Variants in CTNNA2 observed in about 807,000 individuals in gnomAD.
CTNNA2 encodes catenin alpha-2.
In CTNNA2, 42 loss-of-function variants were observed where a neutral mutation model predicts 101.0. That is an observed-to-expected ratio of 0.42 (90% CI 0.32 to 0.54). The LOEUF (loss-of-function observed/expected upper bound fraction) is 0.54. Ranked by LOEUF, CTNNA2 falls within the 20% of genes least tolerant of loss-of-function variation. The pLI is 0.14. For synonymous variants in CTNNA2, 450 were observed against 456.4 expected (o/e 0.99, Z 0.18); for missense variants, 871 against 1,223.1 (o/e 0.71, Z 4.29).
chr2:79,472,311 AG>A (rs1671008670), intron 4 of CTNNA2, among the ~76,000 whole-genome samples: 1 of 152,228 alleles, frequency 6.6e-6, no homozygotes, highest in Non-Finnish European at 1.5e-5. Flanking sequence ...CTGCACGTGC[AG>A]CCCTGCCAGG....
intron 7 of CTNNA2, among the ~76,000 whole-genome samples, chr2:79,963,320 G>C (rs62139978): frequency 2.0e-5 from 3 of 152,182 alleles, no homozygotes; most frequent in Non-Finnish European, 2.9e-5. Context: ...ACATTCTCAT[G>C]TTATGCCAGG....
At chr2:80,113,957 C>T (rs1347427504) in intron 7 of CTNNA2, among the ~76,000 whole-genome samples, 1 of 152,168 alleles carries the variant, frequency 6.6e-6, no homozygotes, top group Non-Finnish European at 1.5e-5. Context: ...TTTATTCAAT[C>T]TACTTAAAAG....
chr2:80,102,122 T>G (rs140631521), intron 7 of CTNNA2, among the ~76,000 whole-genome samples: 22 of 152,314 alleles, frequency 1.4e-4, no homozygotes, highest in Non-Finnish European at 2.8e-4. Flanking sequence ...CAGTACCTAG[T>G]GCCCGATATA....
At chr2:79,991,878 C>A (rs745845401) in intron 7 of CTNNA2, among the ~76,000 whole-genome samples, 1 of 152,122 alleles carries the variant, frequency 6.6e-6, no homozygotes, top group Non-Finnish European at 1.5e-5. Flanking sequence ...TTTGCCAATT[C>A]TTTGTGTAAT....
intron 4 of CTNNA2, among the ~76,000 whole-genome samples, chr2:79,865,940 C>T (rs773599332): frequency 6.6e-6 from 1 of 152,164 alleles, no homozygotes; most frequent in Non-Finnish European, 1.5e-5. Context: ...AGGATGGTCT[C>T]GAAATCCTGA....
chr2:80,632,447 A>G (rs1672400185), intron 18 of CTNNA2, among the ~76,000 whole-genome samples: 1 of 152,126 alleles, frequency 6.6e-6, no homozygotes, highest in South Asian at 2.1e-4. Flanking sequence ...TTTTGGTTGA[A>G]TTTCTTTGTC....
chr2:79,201,227 A>G (rs1402160619), intron 2 of CTNNA2, among the ~76,000 whole-genome samples: 1 of 152,186 alleles, frequency 6.6e-6, no homozygotes. Flanking sequence ...AAAAACAGAA[A>G]CAAACAAACA....
At chr2:80,426,491 G>A (rs1574012804) in intron 9 of CTNNA2, among the ~76,000 whole-genome samples, 1 of 152,068 alleles carries the variant, frequency 6.6e-6, no homozygotes, top group Admixed American at 6.5e-5. Context: ...ACATTCTATT[G>A]TGCAGGCAAC....
At chr2:80,564,169 C>T (rs1693849548) in intron 12 of CTNNA2, among the ~76,000 whole-genome samples, 1 of 152,118 alleles carries the variant, frequency 6.6e-6, no homozygotes, top group African/African-American at 2.4e-5. Flanking sequence ...AAATTTTTAG[C>T]AAGCACTTTA....
intron 7 of CTNNA2, among the ~76,000 whole-genome samples, chr2:80,117,254 C>T (rs1164851029): frequency 6.6e-6 from 1 of 152,098 alleles, no homozygotes; most frequent in African/African-American, 2.4e-5. Context: ...ATATAACACT[C>T]AGACTGTAGT....
At chr2:79,403,828 G>A (rs902555868) in intron 4 of CTNNA2, among the ~76,000 whole-genome samples, 1 of 151,978 alleles carries the variant, frequency 6.6e-6, no homozygotes, top group African/African-American at 2.4e-5. Context: ...TGATGGGGGT[G>A]TAATTAACAT....
chr2:80,221,559 A>T (rs1708577999), intron 7 of CTNNA2, among the ~76,000 whole-genome samples: 1 of 152,206 alleles, frequency 6.6e-6, no homozygotes, highest in Non-Finnish European at 1.5e-5. Flanking sequence ...ATGCAGACTG[A>T]GTCTAAATCT....
chr2:80,509,577 T>A (rs56897112), intron 9 of CTNNA2, among the ~76,000 whole-genome samples: 5,402 of 152,256 alleles, frequency 0.035, 320 homozygotes, highest in African/African-American at 0.12. Flanking sequence ...TGCCAGCTGT[T>A]TGGCACCTGA....
intron 7 of CTNNA2, among the ~76,000 whole-genome samples, chr2:80,373,005 G>A (rs1018605099): frequency 2.0e-5 from 3 of 152,184 alleles, no homozygotes; most frequent in Non-Finnish European, 2.9e-5. Context: ...CAATAGTGCT[G>A]ACATTTAGAC....
chr2:79,750,999 A>G (rs1226176464), intron 3 of CTNNA2, among the ~76,000 whole-genome samples: 1 of 152,196 alleles, frequency 6.6e-6, no homozygotes, highest in African/African-American at 2.4e-5. Context: ...CTGCAGGTAC[A>G]CAGGAATATG....
At position 79,459,837 on chromosome 2, in the gene CTNNA2, T is replaced by C. The variant is rs147341166; in HGVS notation, c.-134-45217T>C. Among the ~76,000 whole-genome samples the C allele has an allele frequency of 1.3e-3, 204 of 151,954 alleles. 1 individual carries two copies. Among genetic ancestry groups the C allele is most frequent in the African/African-American group, 4.8e-3 (196 of 41,250 alleles). On this transcript the variant is annotated intron_variant, in intron 4 of 21. Transcript: ENST00000466387. ...CTCCTTCTTGGTTCTTTGCAAATAATTTTTTTTCTGTTCATTCAACTCTTA... is the reference window on the plus strand; with the variant it reads ...CTCCTTCTTGGTTCTTTGCAAATAACTTTTTTTCTGTTCATTCAACTCTTA...
intron 3 of CTNNA2, among the ~76,000 whole-genome samples, chr2:79,347,000 C>T (rs986495341): frequency 4.6e-5 from 7 of 152,312 alleles, no homozygotes; most frequent in African/African-American, 1.7e-4. Flanking sequence ...ACCATGTTCA[C>T]TGTTTGGATG....
intron 4 of CTNNA2, among the ~76,000 whole-genome samples, chr2:79,388,267 G>A (rs993621650): frequency 6.6e-6 from 1 of 152,174 alleles, no homozygotes; most frequent in Non-Finnish European, 1.5e-5. Flanking sequence ...GAGGCTGATG[G>A]AGTAGGTCAC....
chr2:80,253,933 G>A (rs1671949908), intron 7 of CTNNA2, among the ~76,000 whole-genome samples: 1 of 152,142 alleles, frequency 6.6e-6, no homozygotes, highest in South Asian at 2.1e-4. Context: ...TGGGAAGGTA[G>A]AGCATATAAA....
Sources: gnomAD v4.1 joint callset for allele counts (sites outside exome capture counted in the v4.1 genomes callset) on GRCh38, gnomAD v4.1.1 for gene constraint, MANE v1.5 for transcripts, NCBI Gene and HGNC (gene_info 2026-07-23, HGNC 2026-07-21) for gene names.